PLD5: variants seen among roughly 807,000 people sequenced by gnomAD.
The protein encoded by PLD5 is inactive phospholipase D5.
In PLD5, 36 loss-of-function variants were observed where a neutral mutation model predicts 61.1. The observed-to-expected ratio is 0.59, with a 90% CI of 0.45 to 0.78. The LOEUF is 0.78. Among genes scored for constraint, PLD5 ranks in the 30% least tolerant of loss-of-function variants. The pLI, the probability that PLD5 is intolerant of heterozygous loss-of-function variation, is 0.00. For missense variants in PLD5, 515 were observed against 644.4 expected, an observed-to-expected ratio of 0.80 and a Z score of 2.17; for synonymous variants, 243 against 242.8, an observed-to-expected ratio of 1.00 and a Z score of -0.01.
intron 1 of PLD5, among the ~76,000 whole-genome samples, chr1:242,407,492 G>C (rs1166698646): frequency 6.6e-6 from 1 of 151,400 alleles, no homozygotes; most frequent in East Asian, 1.9e-4. Flanking sequence ...CCATACTTCT[G>C]TAGAGATCTC....
intron 1 of PLD5, among the ~76,000 whole-genome samples, chr1:242,468,072 T>C (rs1398584988): frequency 6.6e-6 from 1 of 152,228 alleles, no homozygotes; most frequent in East Asian, 1.9e-4. Context: ...CCAAGAGTTA[T>C]AAAATTAGAG....
chr1:242,288,484 T>C lies in PLD5; in HGVS notation c.373A>G (p.Asn125Asp), dbSNP rs1212273741. The change falls in exon 3 of 10, where the codon AAT becomes GAT. Residue 125 changes from asparagine to aspartate, a missense_variant. Around this residue, in one of 2 missense-constraint regions of PLD5, gnomAD observed 450 missense variants for 598.1 expected, o/e 0.75. Transcript: ENST00000536534. ...AAAAGTGATAAGTGAAATGGTGCAT[T>C]TTCTGAATAGTTAAGGCCTTCAGGA... ...NIPEGLNYSE[N>D]APFHLSLFQG... The C allele has an allele frequency of 2.5e-6, 4 of 1,609,286 alleles. No individual in the cohort carries two copies. In the African/African-American group the frequency reaches 5.4e-5, roughly 22 times the overall value.
At chr1:242,108,504 G>C (rs1300949395) in intron 7 of PLD5, among the ~76,000 whole-genome samples, 2 of 152,028 alleles carry the variant, frequency 1.3e-5, no homozygotes, top group African/African-American at 4.8e-5. Flanking sequence ...CTGGATTTCT[G>C]CGTGCATTTT....
At chr1:242,343,514 G>A (rs1385772919) in intron 2 of PLD5, among the ~76,000 whole-genome samples, 1 of 151,110 alleles carries the variant, frequency 6.6e-6, no homozygotes, top group Non-Finnish European at 1.5e-5. Flanking sequence ...TGGCATGCTC[G>A]AGCTTCTGCA....
chr1:242,104,868 C>T (rs1660928890), intron 8 of PLD5, among the ~76,000 whole-genome samples: 1 of 152,096 alleles, frequency 6.6e-6, no homozygotes, highest in African/African-American at 2.4e-5. Context: ...TAATTCAGTG[C>T]CTGGATAACT....
intron 1 of PLD5, among the ~76,000 whole-genome samples, chr1:242,361,817 A>G (rs569209174): frequency 2.6e-5 from 4 of 152,264 alleles, no homozygotes; most frequent in African/African-American, 9.6e-5. Context: ...AAGCTTTTAT[A>G]TCATTGAACG....
At chr1:242,252,590 C>T (rs1374414634) in intron 4 of PLD5, among the ~76,000 whole-genome samples, 3 of 152,226 alleles carry the variant, frequency 2.0e-5, no homozygotes, top group Middle Eastern at 3.4e-3. Flanking sequence ...AGAACATACA[C>T]GTGGATGTGT....
chr1:242,332,903 G>A (rs924795776), intron 2 of PLD5, among the ~76,000 whole-genome samples: 3 of 152,180 alleles, frequency 2.0e-5, no homozygotes, highest in Non-Finnish European at 1.5e-5. Context: ...TCAGCTCTGG[G>A]CAGTGTGGTA....
In PLD5 at chr1:242,251,456, G is replaced by A. The variant is rs114756857; in HGVS notation, c.607+13881C>T. ...GCAGTACATAGTGTTCAAAGCTGAA[G>A]AAAGGTCATGTGATACAAGGTCTAA... On this transcript the variant is annotated intron_variant, in intron 4 of 9. Coordinates refer to ENST00000536534, the MANE Select transcript of PLD5 (RefSeq NM_001372062.1). 7.6e-3 allele frequency among the ~76,000 whole-genome samples: 1,158 copies of A among 152,314 alleles called. 22 individuals carry two copies. The highest frequency in any genetic ancestry group is 0.026 in the African/African-American group (1,071 of 41,564).
intron 1 of PLD5, among the ~76,000 whole-genome samples, chr1:242,458,337 A>G (rs1247366565): frequency 6.6e-6 from 1 of 152,234 alleles, no homozygotes; most frequent in East Asian, 1.9e-4. Flanking sequence ...ATTACTAATG[A>G]TTGCTCTCAA....
At chr1:242,257,957 A>G (rs1382541817) in intron 4 of PLD5, among the ~76,000 whole-genome samples, 4 of 152,080 alleles carry the variant, frequency 2.6e-5, no homozygotes, top group African/African-American at 7.2e-5. Context: ...TTTAGAACCA[A>G]GCTCTCATGA....
intron 1 of PLD5, among the ~76,000 whole-genome samples, chr1:242,464,397 C>T (rs1419221084): frequency 2.6e-5 from 4 of 152,234 alleles, no homozygotes; most frequent in African/African-American, 9.7e-5. Context: ...TCCCATTCTT[C>T]CCTATTTAGC....
chr1:242,211,158 C>G (rs970382392), intron 5 of PLD5, among the ~76,000 whole-genome samples: 14 of 152,174 alleles, frequency 9.2e-5, no homozygotes, highest in African/African-American at 3.1e-4. Context: ...AAACAACCTT[C>G]TATTAGAAGA....
intron 5 of PLD5, among the ~76,000 whole-genome samples, chr1:242,215,268 C>A (rs1228314967): frequency 1.1e-4 from 16 of 151,996 alleles, no homozygotes; most frequent in Non-Finnish European, 2.9e-5. Flanking sequence ...TATGCCAATT[C>A]ACAATTCCAA....
At chr1:242,355,960 A>G (rs1401527489) in intron 1 of PLD5, among the ~76,000 whole-genome samples, 2 of 151,114 alleles carry the variant, frequency 1.3e-5, no homozygotes, top group Non-Finnish European at 3.0e-5. Flanking sequence ...TATGATTTCA[A>G]TCTTCTTAAA....
chr1:242,468,020 T>C (rs1347272493), intron 1 of PLD5, among the ~76,000 whole-genome samples: 1 of 152,202 alleles, frequency 6.6e-6, no homozygotes, highest in Non-Finnish European at 1.5e-5. Context: ...TGTACACTCA[T>C]TTCCTTCTCA....
intron 5 of PLD5, among the ~76,000 whole-genome samples, chr1:242,185,922 C>T (rs1667847573): frequency 6.6e-6 from 1 of 152,044 alleles, no homozygotes; most frequent in South Asian, 2.1e-4. Context: ...AATGTGGAGC[C>T]AGCATCTGTC....
chr1:242,322,232 C>A (rs1558463090), intron 2 of PLD5, among the ~76,000 whole-genome samples: 3 of 152,150 alleles, frequency 2.0e-5, no homozygotes, highest in Admixed American at 2.0e-4. Flanking sequence ...ATGATCTCAT[C>A]TAATGTACGT....
At chr1:242,167,773 T>C (rs1666437344) in intron 5 of PLD5, among the ~76,000 whole-genome samples, 1 of 152,178 alleles carries the variant, frequency 6.6e-6, no homozygotes, top group Non-Finnish European at 1.5e-5. Flanking sequence ...TAGATGTGGA[T>C]TGCCTACGTG....
Sources: allele counts gnomAD v4.1 joint callset (sites outside exome capture counted in the v4.1 genomes callset), GRCh38; gene constraint gnomAD v4.1.1; regional missense constraint gnomAD v4.1.1; transcripts MANE v1.5; gene names NCBI Gene and HGNC (gene_info 2026-07-23, HGNC 2026-07-21).